The following DLG5 variants were observed in gnomAD, a reference collection of about 807,000 sequenced individuals.
The protein encoded by DLG5 is discs large MAGUK scaffold protein 5, also known as disks large homolog 5.
In DLG5, 48 loss-of-function variants were observed where a neutral mutation model predicts 189.8. The observed-to-expected ratio is 0.25, with a 90% CI of 0.20 to 0.32. DLG5 has a LOEUF of 0.32. Ranked by LOEUF, DLG5 falls within the 10% of genes least tolerant of loss-of-function variation. The pLI is 1.00. For synonymous variants in DLG5, 1,016 were observed against 1,054.1 expected (o/e 0.96, Z 0.70); for missense variants, 2,160 against 2,544.7 (o/e 0.85, Z 3.25).
rs778156837 is a variant in DLG5 at position 77,843,703 on chromosome 10, A to C, written c.868T>G (p.Leu290Val). The stretch of plus-strand genomic sequence containing the variant: ...ATCTCGGATGACCCGTTGTGCTTCA[A>C]CACCTGGAGACCAGACAGTTTCACT... ...GDLRAQQQQVLKHNGSSEILN... is the reference protein window; with the variant it reads ...GDLRAQQQQVVKHNGSSEILN... Residue 290 changes from leucine to valine, a missense_variant, in exon 6 of 32, where the codon TTG becomes GTG. Leu to Val is a conservative substitution (Grantham distance 32, BLOSUM62 1). Coordinates refer to ENST00000372391, the MANE Select transcript of DLG5 (RefSeq NM_004747.4). 6.2e-7 allele frequency: 1 copy of C among 1,613,936 alleles called. No homozygotes were observed. Among genetic ancestry groups the C allele is most frequent in the Non-Finnish European group, 8.5e-7 (1 of 1,179,978 alleles).
At chr10:77,813,835 C>T (rs79013836) in intron 20 of DLG5, among the ~76,000 whole-genome samples, 4,630 of 152,242 alleles carry the variant, frequency 0.03, 233 homozygotes, top group African/African-American at 0.11. Flanking sequence ...TGGGGAGGCC[C>T]GATCGGCATC....
intron 1 of DLG5, among the ~76,000 whole-genome samples, chr10:77,897,893 C>T (rs923174061): frequency 6.6e-6 from 1 of 152,106 alleles, no homozygotes; most frequent in African/African-American, 2.4e-5. Flanking sequence ...ATATTCTGGT[C>T]CCCTTGTCTC....
chr10:77,902,977 A>G (rs1374259587), intron 1 of DLG5, among the ~76,000 whole-genome samples: 1 of 152,200 alleles, frequency 6.6e-6, no homozygotes. Flanking sequence ...AAATAAATAA[A>G]CGAGCCATTG....
chr10:77,813,797 GC>G (rs1841900949), intron 20 of DLG5, among the ~76,000 whole-genome samples: 2 of 152,196 alleles, frequency 1.3e-5, no homozygotes, highest in Admixed American at 1.3e-4. Flanking sequence ...CCAGTGACAT[GC>G]AAAGACGTAA....
chr10:77,864,866 T>TA lies in DLG5; in HGVS notation c.373+4262dup, dbSNP rs373267438. Among the ~76,000 whole-genome samples the TA allele has an allele frequency of 1.3e-3, 192 of 152,308 alleles. 2 individuals are homozygous for TA. The highest frequency in any genetic ancestry group is 7.5e-3 in the East Asian group (39 of 5,166). ...TCCCCAGCTTGGAGTGAAAGGAGGT[T>TA]AGATTCCAATGCTGGAAGCCCAGGC... On this transcript the variant is annotated intron_variant, in intron 2 of 31. Coordinates refer to ENST00000372391, the MANE Select transcript of DLG5 (RefSeq NM_004747.4).
intron 15 of DLG5, 115 bp from the exon 16 acceptor site, chr10:77,820,133 G>C (rs1568146589): frequency 6.9e-7 from 1 of 1,444,140 alleles, no homozygotes; most frequent in Non-Finnish European, 9.2e-7. Context: ...ATCACCTAAG[G>C]TCAGGAGTTC....
the DLG5 span, among the ~76,000 whole-genome samples, chr10:77,935,482 AG>A: frequency 2.6e-5 from 4 of 152,106 alleles, no homozygotes; most frequent in South Asian, 8.3e-4. Flanking sequence ...CTTTCTCTGC[AG>A]GCTAAGTGAG....
chr10:77,911,515 T>C (rs949021350), intron 1 of DLG5, among the ~76,000 whole-genome samples: 1 of 152,212 alleles, frequency 6.6e-6, no homozygotes, highest in African/African-American at 2.4e-5. Context: ...CAATATTGGC[T>C]GGAAAGATCT....
the DLG5 span, among the ~76,000 whole-genome samples, chr10:77,935,155 C>T: frequency 2.6e-5 from 4 of 151,838 alleles, no homozygotes; most frequent in Non-Finnish European, 4.4e-5. Flanking sequence ...CGTGCCCAGC[C>T]TTAAATGGGT....
chr10:77,938,160 G>A, the DLG5 span, among the ~76,000 whole-genome samples: 2 of 152,044 alleles, frequency 1.3e-5, no homozygotes, highest in Non-Finnish European at 2.9e-5. Context: ...ACTATTTGTT[G>A]AGGCAGGGCA....
intron 1 of DLG5, among the ~76,000 whole-genome samples, chr10:77,877,532 AGAGCTGCC>A (rs920714643): frequency 4.6e-5 from 7 of 152,160 alleles, no homozygotes; most frequent in African/African-American, 1.4e-4. Flanking sequence ...GCCTCCCTTC[AGAGCTGCC>A]GGGCTGCAGG....
intron 1 of DLG5, among the ~76,000 whole-genome samples, chr10:77,880,344 C>T (rs1177848374): frequency 1.3e-5 from 2 of 152,184 alleles, no homozygotes; most frequent in African/African-American, 4.8e-5. Context: ...ATCCCAGCTA[C>T]TCAGGAGGCT....
chr10:77,827,166 C>G (rs992590723), intron 13 of DLG5, among the ~76,000 whole-genome samples: 2 of 152,106 alleles, frequency 1.3e-5, no homozygotes, highest in Non-Finnish European at 2.9e-5. Context: ...CACGATTTGC[C>G]TTTTGTACTA....
At chr10:77,829,244 T>A in intron 12 of DLG5, 111 bp downstream of exon 12, 1 of 1,428,544 alleles carries the variant, frequency 7.0e-7, no homozygotes, top group Non-Finnish European at 9.7e-7. Flanking sequence ...TTAAATGGCA[T>A]TGGCCCCTCA....
the DLG5 span, among the ~76,000 whole-genome samples, chr10:77,937,981 G>A: frequency 0.074 from 10,998 of 149,554 alleles, 736 homozygotes; most frequent in African/African-American, 0.18. Context: ...GCCTCCCGAA[G>A]TGCTGGGATT....
chr10:77,857,190 C>T (rs936374302), intron 2 of DLG5, among the ~76,000 whole-genome samples: 3 of 152,168 alleles, frequency 2.0e-5, no homozygotes, highest in Middle Eastern at 3.2e-3. Flanking sequence ...CTCCAGGATG[C>T]GACTGTTTTG....
intron 26 of DLG5, 139 bp downstream of exon 26, chr10:77,806,619 A>G (rs997209365): frequency 4.1e-6 from 5 of 1,210,702 alleles, no homozygotes; most frequent in East Asian, 2.4e-5. Flanking sequence ...GGCAAAATGT[A>G]GAGAGCAGAA....
chr10:77,854,492 A>C, intron 3 of DLG5, 122 bp from the exon 4 acceptor site: 1 of 1,280,650 alleles, frequency 7.8e-7, no homozygotes, highest in Non-Finnish European at 1.1e-6. Context: ...TGCACCACAC[A>C]CACCTGGGTG....
At chr10:77,836,177 T>C (rs990248272) in intron 7 of DLG5, among the ~76,000 whole-genome samples, 18 of 152,028 alleles carry the variant, frequency 1.2e-4, no homozygotes, top group African/African-American at 4.4e-4. Context: ...AAGACAAAAA[T>C]ACACCAGTAT....
Sources: allele counts gnomAD v4.1 joint callset (sites outside exome capture counted in the v4.1 genomes callset), GRCh38; gene constraint gnomAD v4.1.1; transcripts MANE v1.5; gene names NCBI Gene and HGNC (gene_info 2026-07-23, HGNC 2026-07-21).